RGPD2: variants seen among roughly 807,000 people sequenced by gnomAD.
The protein encoded by RGPD2 is RANBP2 like and GRIP domain containing 2.
A neutral mutation model predicts 36.0 loss-of-function variants in RGPD2; 2 were observed. That is an observed-to-expected ratio of 0.06 (90% CI 0.02 to 0.17). The LOEUF is 0.17. Ranked by LOEUF, RGPD2 falls within the 10% of genes least tolerant of loss-of-function variation. RGPD2 has a pLI of 1.00. For synonymous variants in RGPD2, 19 were observed against 163.8 expected, an observed-to-expected ratio of 0.12 and a Z score of 6.75; for missense variants, 40 against 464.3, an observed-to-expected ratio of 0.09 and a Z score of 8.40.
chr2:87,824,223 T>A (rs1206667192), intron 1 of RGPD2, among the ~76,000 whole-genome samples: 1 of 151,232 alleles, frequency 6.6e-6, no homozygotes, highest in African/African-American at 2.5e-5. Flanking sequence ...ATTTTCACCA[T>A]GTTGGTCAGG....
the RGPD2 span, among the ~76,000 whole-genome samples, chr2:87,879,262 G>T: frequency 1.3e-5 from 2 of 151,660 alleles, no homozygotes; most frequent in African/African-American, 4.9e-5. Flanking sequence ...AATGGAGTAT[G>T]CATCACCTCA....
chr2:87,769,564 A>G (rs1685061060), intron 22 of RGPD2, among the ~76,000 whole-genome samples: 1 of 150,996 alleles, frequency 6.6e-6, no homozygotes. Context: ...AAATCAATGG[A>G]CCCTTAACTT....
At chr2:87,915,544 ATATGTG>A in the RGPD2 span, among the ~76,000 whole-genome samples, 1 of 143,742 alleles carries the variant, frequency 7.0e-6, no homozygotes, top group East Asian at 2.0e-4. Context: ...ATACACATAT[ATATGTG>A]TATGTGTATA....
At chr2:87,808,868 GAAAT>G (rs1686031807) in intron 6 of RGPD2, among the ~76,000 whole-genome samples, 1 of 36,704 alleles carries the variant, frequency 2.7e-5, no homozygotes, top group Admixed American at 3.6e-4. Context: ...AACACTGACA[GAAAT>G]AACCCACATA....
the RGPD2 span, among the ~76,000 whole-genome samples, chr2:87,865,394 T>C: frequency 6.0e-4 from 92 of 152,242 alleles, no homozygotes; most frequent in South Asian, 4.1e-4. Flanking sequence ...AGGAGCTTCA[T>C]TGCACTTTTT....
chr2:87,842,515 A>C, the RGPD2 span, among the ~76,000 whole-genome samples: 1 of 148,752 alleles, frequency 6.7e-6, no homozygotes, highest in East Asian at 2.0e-4. Flanking sequence ...GACGTGAAGG[A>C]CCTCTTCAAG....
At chr2:87,966,210 C>T in the RGPD2 span, among the ~76,000 whole-genome samples, 3 of 152,352 alleles carry the variant, frequency 2.0e-5, no homozygotes, top group South Asian at 2.1e-4. Flanking sequence ...AATGCCTGGT[C>T]TCCAGAGCTG....
chr2:87,964,618 C>T, the RGPD2 span, among the ~76,000 whole-genome samples: 103 of 151,652 alleles, frequency 6.8e-4, no homozygotes, highest in African/African-American at 2.3e-3. Flanking sequence ...ACTGCAACCT[C>T]CTGTGGCAGG....
the RGPD2 span, among the ~76,000 whole-genome samples, chr2:87,923,422 T>C: frequency 1.3e-5 from 2 of 152,386 alleles, no homozygotes; most frequent in Middle Eastern, 3.4e-3. Context: ...AAAATGCTTT[T>C]CTATCGGCCT....
At chr2:87,919,910 T>A in the RGPD2 span, among the ~76,000 whole-genome samples, 1 of 151,940 alleles carries the variant, frequency 6.6e-6, no homozygotes, top group African/African-American at 2.4e-5. Context: ...CCATCTAACT[T>A]CTATATTATC....
At chr2:87,814,268 CA>C (rs1459517167) in intron 4 of RGPD2, among the ~76,000 whole-genome samples, 2 of 35,742 alleles carry the variant, frequency 5.6e-5, no homozygotes, top group Admixed American at 6.8e-4. Flanking sequence ...GAACAACAGC[CA>C]AAACCTAGAA....
the RGPD2 span, among the ~76,000 whole-genome samples, chr2:87,874,818 G>A: frequency 2.6e-5 from 4 of 151,898 alleles, no homozygotes; most frequent in Non-Finnish European, 5.9e-5. Flanking sequence ...ACTTAAGGCA[G>A]TATGGCCATT....
chr2:87,842,393 G>A, the RGPD2 span, among the ~76,000 whole-genome samples: 1,332 of 138,178 alleles, frequency 9.6e-3, 22 homozygotes, highest in African/African-American at 0.037. Context: ...TATAAAAATC[G>A]CAAGCATTCT....
At chr2:87,951,362 G>A in the RGPD2 span, among the ~76,000 whole-genome samples, 4 of 151,794 alleles carry the variant, frequency 2.6e-5, no homozygotes, top group East Asian at 7.9e-4. Flanking sequence ...CAAGAAAGTA[G>A]CAAGGGACTT....
chr2:87,937,237 TC>T, the RGPD2 span, among the ~76,000 whole-genome samples: 3 of 151,716 alleles, frequency 2.0e-5, no homozygotes, highest in Admixed American at 6.6e-5. Context: ...TTTAAAAGTG[TC>T]TTGAGCAATA....
At chr2:87,822,343 A>G (rs921501573) in intron 1 of RGPD2, among the ~76,000 whole-genome samples, 3 of 151,728 alleles carry the variant, frequency 2.0e-5, no homozygotes, top group African/African-American at 7.3e-5. Flanking sequence ...AACGCTACAG[A>G]ACTGAAAGAA....
the RGPD2 span, among the ~76,000 whole-genome samples, chr2:87,975,948 T>A: frequency 7.2e-5 from 11 of 152,084 alleles, no homozygotes; most frequent in Admixed American, 7.2e-4. Context: ...GAGGAAACAC[T>A]GCAAGTCTGA....
the RGPD2 span, among the ~76,000 whole-genome samples, chr2:87,921,516 A>C: frequency 6.6e-6 from 1 of 152,210 alleles, no homozygotes; most frequent in Non-Finnish European, 1.5e-5. Context: ...CTTGAAAAAA[A>C]GTTCTCCTGA....
intron 22 of RGPD2, among the ~76,000 whole-genome samples, chr2:87,758,358 C>CATGGACAAA (rs1684805016): frequency 1.9e-5 from 2 of 108,052 alleles, no homozygotes; most frequent in African/African-American, 7.1e-5. Flanking sequence ...ACATAGTTCA[C>CATGGACAAA]ATGGACAAAA....
Sources: gnomAD v4.1 joint callset for allele counts (sites outside exome capture counted in the v4.1 genomes callset) on GRCh38, gnomAD v4.1.1 for gene constraint, MANE v1.5 for transcripts, NCBI Gene and HGNC (gene_info 2026-07-23, HGNC 2026-07-21) for gene names.